CABIN1: variants seen among roughly 807,000 people sequenced by gnomAD.
The protein encoded by CABIN1 is calcineurin-binding protein cabin-1.
CABIN1 carries 133 observed loss-of-function variants against 227.7 expected under a neutral mutation model. That is an observed-to-expected ratio of 0.58 (90% CI 0.51 to 0.67). The LOEUF (loss-of-function observed/expected upper bound fraction) is 0.67. CABIN1 is among the 30% of genes least tolerant of loss of function. The pLI is 0.00. For missense variants in CABIN1, 2,408 were observed against 2,852.5 expected (o/e 0.84, Z 3.55); for synonymous variants, 1,086 against 1,155.1 (o/e 0.94, Z 1.21).
At chr22:24,043,307 CT>C (rs745547509) in intron 6 of CABIN1, among the ~76,000 whole-genome samples, 3,533 of 71,124 alleles carry the variant, frequency 0.05, 22 homozygotes, top group African/African-American at 0.16. Context: ...AATGATTTTA[CT>C]TTTTTTTTTT....
At chr22:24,026,294 G>A (rs528656778) in intron 1 of CABIN1, among the ~76,000 whole-genome samples, 52 of 152,220 alleles carry the variant, frequency 3.4e-4, no homozygotes, top group Non-Finnish European at 6.3e-4. Flanking sequence ...GTTTGAAACA[G>A]TAGATTTTGA....
rs147319355 is a variant in CABIN1 at position 24,163,046 on chromosome 22, G to T, written c.4747-1354G>T. 4.1e-3 allele frequency among the ~76,000 whole-genome samples: 623 copies of T among 152,316 alleles called. 5 individuals are homozygous for T. Among genetic ancestry groups the T allele is most frequent in the African/African-American group, 0.014 (601 of 41,572 alleles). On this transcript the variant is annotated intron_variant, in intron 29 of 36. Coordinates refer to ENST00000263119, the MANE Select transcript of CABIN1 (RefSeq NM_012295.4). ...GGTGTCTTTTCATAAGCTGCTTCAG[G>T]ATCCACATCTGCATGGTAGGAAGAT...
chr22:24,137,392 C>T (rs2044487792), intron 29 of CABIN1, among the ~76,000 whole-genome samples: 1 of 152,206 alleles, frequency 6.6e-6, no homozygotes, highest in Non-Finnish European at 1.5e-5. Context: ...TTTCTGGGAC[C>T]TTCCAAAATG....
intron 29 of CABIN1, among the ~76,000 whole-genome samples, chr22:24,152,054 GCAA>G (rs1314445898): frequency 2.6e-5 from 4 of 152,200 alleles, no homozygotes; most frequent in Non-Finnish European, 5.9e-5. Context: ...GGCACTGGTA[GCAA>G]CAACAGCCCT....
intron 2 of CABIN1, 55 bp downstream of exon 2, chr22:24,035,575 C>G: frequency 6.2e-7 from 1 of 1,607,800 alleles, no homozygotes; most frequent in Non-Finnish European, 8.5e-7. Context: ...TGTTACGTTA[C>G]TCCTGGGGGC....
chr22:24,122,419 C>G (rs1166513039), intron 28 of CABIN1, among the ~76,000 whole-genome samples: 1 of 152,136 alleles, frequency 6.6e-6, no homozygotes, highest in Non-Finnish European at 1.5e-5. Context: ...CCAAAATGCT[C>G]CAATGAGGCT....
chr22:24,035,543 T>C (rs781331053), intron 2 of CABIN1, 23 bp downstream of exon 2: 1 of 1,614,126 alleles, frequency 6.2e-7, no homozygotes, highest in Non-Finnish European at 8.5e-7. Flanking sequence ...GCCTGCCTAT[T>C]TTGCGGACCT....
At chr22:24,040,992 G>A (rs2147077069) in intron 4 of CABIN1, 147 bp from the exon 5 acceptor site, 3 of 873,014 alleles carry the variant, frequency 3.4e-6, no homozygotes, top group African/African-American at 3.3e-5. Context: ...AGAACACATG[G>A]TGCAGTGCCT....
intron 33 of CABIN1, among the ~76,000 whole-genome samples, chr22:24,169,578 A>G (rs1246524994): frequency 1.3e-5 from 2 of 151,984 alleles, no homozygotes; most frequent in East Asian, 1.9e-4. Context: ...GAGTGCCCCA[A>G]CCCCCAGCAG....
intron 25 of CABIN1, among the ~76,000 whole-genome samples, chr22:24,096,674 G>A (rs1175312666): frequency 2.6e-5 from 4 of 152,226 alleles, no homozygotes; most frequent in African/African-American, 9.6e-5. Context: ...ATCCTCAGGG[G>A]CAAGTCCTAG....
intron 29 of CABIN1, among the ~76,000 whole-genome samples, chr22:24,144,779 G>T (rs902346792): frequency 6.6e-6 from 1 of 152,232 alleles, no homozygotes; most frequent in Non-Finnish European, 1.5e-5. Flanking sequence ...TTCCTGCCAG[G>T]TGTTGCTGTG....
At chr22:24,101,234 C>T (rs946914536) in intron 26 of CABIN1, among the ~76,000 whole-genome samples, 1 of 152,216 alleles carries the variant, frequency 6.6e-6, no homozygotes, top group African/African-American at 2.4e-5. Context: ...GCCTTTGCTT[C>T]AAAACCAGAA....
At chr22:24,059,440 C>A in intron 11 of CABIN1, 77 bp downstream of exon 11, 1 of 1,549,118 alleles carries the variant, frequency 6.5e-7, no homozygotes, top group Non-Finnish European at 8.8e-7. Flanking sequence ...ATGTTTTGTT[C>A]TGGGAGAATG....
rs544550589 is a variant in CABIN1 at position 24,070,992 on chromosome 22, G to C, written c.2425G>C (p.Val809Leu). Reference protein sequence around the residue: ...SADSSGSILKVSSSTTGLVRL... With the variant: ...SADSSGSILKLSSSTTGLVRL... ...GGACAGCAGTGGTAGCATCCTGAAG[G>C]TATCATCCTCCACCACTGGCCTTGT... Residue 809 changes from valine (V) to leucine (L), a missense_variant, in exon 17 of 37, where the codon GTA becomes CTA. Val to Leu is a conservative substitution (Grantham distance 32). This residue lies in a region of CABIN1 where 1,045 missense variants were observed against 1,168.4 expected (regional missense o/e 0.89). Coordinates refer to ENST00000263119, the MANE Select transcript of CABIN1 (RefSeq NM_012295.4). 5.3e-5 allele frequency: 85 copies of C among 1,614,084 alleles called. No homozygotes were observed. The highest frequency in any genetic ancestry group is 7.1e-5 in the Non-Finnish European group (84 of 1,180,042).
intron 26 of CABIN1, among the ~76,000 whole-genome samples, chr22:24,104,704 G>A (rs1395630373): frequency 6.6e-6 from 1 of 152,236 alleles, no homozygotes; most frequent in Non-Finnish European, 1.5e-5. Context: ...GATTTCCCGG[G>A]CCAGCCTTGC....
chr22:24,103,149 T>G (rs2042311331), intron 26 of CABIN1: 1 of 152,294 alleles, frequency 6.6e-6, no homozygotes, highest in African/African-American at 2.4e-5. Context: ...AGCACCTTCA[T>G]GTCTGCTCGC....
chr22:24,042,818 C>CTG (rs56070926), intron 5 of CABIN1, 86 bp from the exon 6 acceptor site: 36,244 of 680,722 alleles, frequency 0.053, 746 homozygotes, highest in Admixed American at 0.09. Flanking sequence ...AGAGATCTGA[C>CTG]TGTGTGTGTG....
intron 29 of CABIN1, chr22:24,156,108 T>C: frequency 2.5e-6 from 1 of 407,686 alleles, no homozygotes. Context: ...GGGCCGGGAC[T>C]GGGGCCGGGA....
chr22:24,081,184 A>G (rs1341300599), intron 19 of CABIN1, among the ~76,000 whole-genome samples: 4 of 152,312 alleles, frequency 2.6e-5, no homozygotes, highest in African/African-American at 7.2e-5. Flanking sequence ...TTTTTTTTCA[A>G]TCATTTAAAA....
Sources: gnomAD v4.1 joint callset for allele counts (sites outside exome capture counted in the v4.1 genomes callset) on GRCh38, gnomAD v4.1.1 for gene constraint, gnomAD v4.1.1 regional missense constraint, MANE v1.5 for transcripts, NCBI Gene and HGNC (gene_info 2026-07-23, HGNC 2026-07-21) for gene names.